Variants in SLC13A4 observed in about 807,000 individuals in gnomAD.
SLC13A4 encodes solute carrier family 13 member 4.
In SLC13A4, 28 loss-of-function variants were observed where a neutral mutation model predicts 72.7. That is an observed-to-expected ratio of 0.39 (90% CI 0.29 to 0.53). SLC13A4 has a LOEUF of 0.53. Among genes scored for constraint, SLC13A4 ranks in the 20% least tolerant of loss-of-function variants. The pLI is 0.78. For missense variants in SLC13A4, 653 were observed against 788.0 expected (o/e 0.83, Z 2.05); for synonymous variants, 312 against 325.5 (o/e 0.96, Z 0.45).
chr7:135,711,549 AG>A (rs1360107312), intron 2 of SLC13A4, among the ~76,000 whole-genome samples: 5 of 152,162 alleles, frequency 3.3e-5, no homozygotes, highest in Non-Finnish European at 7.4e-5. Context: ...TTTACTGATG[AG>A]GAAACTGGGG....
At chr7:135,721,353 T>TGCAGG (rs1233201439) in intron 2 of SLC13A4, 42 bp downstream of exon 2, 1 of 1,610,654 alleles carries the variant, frequency 6.2e-7, no homozygotes, top group African/African-American at 1.3e-5. Context: ...TCAGGGGCCC[T>TGCAGG]GCAGGGACCC....
intron 2 of SLC13A4, among the ~76,000 whole-genome samples, chr7:135,714,999 TGTGA>T (rs778961547): frequency 9.9e-5 from 15 of 151,708 alleles, no homozygotes; most frequent in Non-Finnish European, 7.4e-5. Context: ...TGTGTGTATA[TGTGA>T]GTGTGTATTT....
intron 2 of SLC13A4, among the ~76,000 whole-genome samples, chr7:135,713,462 C>G (rs1175306533): frequency 6.6e-6 from 1 of 152,154 alleles, no homozygotes; most frequent in Admixed American, 6.5e-5. Flanking sequence ...GTACCTCTGT[C>G]ACCAATTTTT....
chr7:135,687,382 T>G (rs62479532), intron 13 of SLC13A4, among the ~76,000 whole-genome samples: 5,335 of 152,126 alleles, frequency 0.035, 109 homozygotes, highest in Middle Eastern at 0.082. Flanking sequence ...TACTATTAAA[T>G]ACCGCCTTCC....
chr7:135,701,384 T>C (rs573712696), intron 7 of SLC13A4, among the ~76,000 whole-genome samples: 1 of 152,226 alleles, frequency 6.6e-6, no homozygotes, highest in Admixed American at 6.5e-5. Context: ...AAATAAAATA[T>C]TTGCAGTGTC....
chr7:135,692,268 G>T, intron 11 of SLC13A4, 55 bp downstream of exon 11: 1 of 1,249,988 alleles, frequency 8.0e-7, no homozygotes, highest in Non-Finnish European at 1.2e-6. Flanking sequence ...ATGAAGTCTT[G>T]CCTGAAGAAT....
At chr7:135,714,318 C>T (rs1796368061) in intron 2 of SLC13A4, among the ~76,000 whole-genome samples, 1 of 152,210 alleles carries the variant, frequency 6.6e-6, no homozygotes, top group Admixed American at 6.5e-5. Flanking sequence ...ATAACCGCCA[C>T]CACCCCTGCC....
At chr7:135,701,870 G>T in intron 6 of SLC13A4, 110 bp from the exon 7 acceptor site, 1 of 1,042,122 alleles carries the variant, frequency 9.6e-7, no homozygotes, top group Non-Finnish European at 1.4e-6. Context: ...AGCACTGTGG[G>T]AACCAGAGGC....
intron 13 of SLC13A4, among the ~76,000 whole-genome samples, chr7:135,690,972 C>G (rs1795771202): frequency 6.6e-6 from 1 of 152,118 alleles, no homozygotes; most frequent in Non-Finnish European, 1.5e-5. Flanking sequence ...TGAGACTAGC[C>G]TGGCCAACAT....
chr7:135,704,636 G>T (rs1796121740), intron 5 of SLC13A4: 1 of 152,160 alleles, frequency 6.6e-6, no homozygotes, highest in African/African-American at 2.4e-5. Context: ...AGAAGCTTTG[G>T]CTGAGAAGTT....
chr7:135,702,651 C>G (rs1340643913), intron 6 of SLC13A4, 194 bp downstream of exon 6: 2 of 574,094 alleles, frequency 3.5e-6, no homozygotes, highest in Non-Finnish European at 3.1e-6. Flanking sequence ...GCTGGGAGTA[C>G]AGGCATGAGC....
intron 2 of SLC13A4, among the ~76,000 whole-genome samples, chr7:135,708,903 C>T (rs1420141407): frequency 7.0e-6 from 1 of 141,944 alleles, no homozygotes; most frequent in Non-Finnish European, 1.5e-5. Context: ...TTCTTTGAGA[C>T]AGAGTCTTGC....
chr7:135,692,616 A>G lies in SLC13A4; in HGVS notation c.1122-192T>C, dbSNP rs1795815421. On this transcript the variant is annotated intron_variant, in intron 10 of 15. Transcript: ENST00000682651. Reference sequence around the variant, plus strand: ...AGTGGCCCCAGAAAACATGACATTAACCATGTTCCTGGAGAAACTTCAGTA... The same window carrying G: ...AGTGGCCCCAGAAAACATGACATTAGCCATGTTCCTGGAGAAACTTCAGTA... 3 of 564,956 alleles carry G rather than the reference A, an allele frequency of 5.3e-6. No individual in the cohort carries two copies. In the East Asian group the frequency reaches 9.0e-5, roughly 17 times the overall value. The allele number at this position is 564,956 out of a possible 1,614,324, so 35.0% of individuals were successfully genotyped here.
At chr7:135,725,673 CTA>C (rs1796639138) in intron 1 of SLC13A4, among the ~76,000 whole-genome samples, 1 of 152,112 alleles carries the variant, frequency 6.6e-6, no homozygotes, top group Non-Finnish European at 1.5e-5. Context: ...ATATCAGACT[CTA>C]AAAGTTTGAT....
intron 7 of SLC13A4, among the ~76,000 whole-genome samples, chr7:135,700,440 C>T (rs147122847): frequency 9.0e-4 from 137 of 152,274 alleles, no homozygotes; most frequent in African/African-American, 2.0e-3. Flanking sequence ...AATGGGGAAG[C>T]GCCACCTTGC....
chr7:135,706,052 C>T (rs538817644), intron 4 of SLC13A4, 76 bp downstream of exon 4: 292 of 1,466,764 alleles, frequency 2.0e-4, no homozygotes, highest in Non-Finnish European at 2.6e-4. Context: ...TGGGCAGTCT[C>T]CCTAGAGGAG....
intron 2 of SLC13A4, among the ~76,000 whole-genome samples, chr7:135,708,659 A>G (rs1240558463): frequency 2.0e-5 from 3 of 152,168 alleles, no homozygotes; most frequent in African/African-American, 7.2e-5. Flanking sequence ...TTTTTAGAAA[A>G]TATTAGAAAA....
At chr7:135,686,628 T>TC (rs1795631680) in intron 13 of SLC13A4, among the ~76,000 whole-genome samples, 1 of 152,190 alleles carries the variant, frequency 6.6e-6, no homozygotes, top group African/African-American at 2.4e-5. Context: ...CACGTTGGTC[T>TC]CCCAAAGTGC....
At chr7:135,684,763 T>C (rs896984481) in intron 14 of SLC13A4, among the ~76,000 whole-genome samples, 5 of 151,872 alleles carry the variant, frequency 3.3e-5, no homozygotes, top group Non-Finnish European at 7.4e-5. Flanking sequence ...AGGAGCAAGA[T>C]GACGGAAGGG....
Sources: allele counts gnomAD v4.1 joint callset (sites outside exome capture counted in the v4.1 genomes callset), GRCh38; gene constraint gnomAD v4.1.1; transcripts MANE v1.5; gene names NCBI Gene and HGNC (gene_info 2026-07-23, HGNC 2026-07-21).